SLC15A2: variants seen among roughly 807,000 people sequenced by gnomAD.
SLC15A2 encodes the protein solute carrier family 15 member 2.
SLC15A2 carries 77 observed loss-of-function variants against 95.5 expected under a neutral mutation model. The observed-to-expected ratio is 0.81, with a 90% CI of 0.67 to 0.97. The LOEUF (loss-of-function observed/expected upper bound fraction) is 0.97. Among genes scored for constraint, SLC15A2 ranks in the 50% least tolerant of loss-of-function variants. The pLI is 0.00. For missense variants in SLC15A2, 893 were observed against 874.4 expected (o/e 1.02, Z -0.27); for synonymous variants, 306 against 306.9 (o/e 1.00, Z 0.03).
At chr3:121,897,597 C>T (rs1709443413) in intron 3 of SLC15A2, 68 bp downstream of exon 3, 3 of 1,535,318 alleles carry the variant, frequency 2.0e-6, no homozygotes, top group African/African-American at 1.4e-5. Context: ...CACTTCTAGC[C>T]TCTTGCTTCT....
intron 3 of SLC15A2, among the ~76,000 whole-genome samples, chr3:121,898,606 G>C (rs1709465390): frequency 6.6e-6 from 1 of 152,158 alleles, no homozygotes. Context: ...GGAAAATAAA[G>C]CTCTTGTGGT....
At chr3:121,914,652 T>C (rs900804776) in intron 5 of SLC15A2, among the ~76,000 whole-genome samples, 3 of 152,158 alleles carry the variant, frequency 2.0e-5, no homozygotes, top group Non-Finnish European at 4.4e-5. Flanking sequence ...CCCTAATATA[T>C]GTCGGATGCT....
At chr3:121,932,686 G>A (rs950583285) in intron 19 of SLC15A2, among the ~76,000 whole-genome samples, 3 of 152,146 alleles carry the variant, frequency 2.0e-5, no homozygotes, top group African/African-American at 7.2e-5. Flanking sequence ...GAGGTTTGAT[G>A]AGAACCCAAT....
At position 121,929,100 on chromosome 3, in the gene SLC15A2, A is replaced by AC; in HGVS notation, c.1461dup (p.Ser488GlnfsTer6). ...CATTCTGTGCAGGAGAAGAACTGGT[A>AC]CAGTCTTGTCATTCGTGAAGATGGG... On this transcript the variant is annotated frameshift_variant, in exon 16 of 22. Coordinates refer to ENST00000489711, the MANE Select transcript of SLC15A2 (RefSeq NM_021082.4). LOFTEE classifies it high-confidence loss of function. 1 of 1,614,082 alleles carries AC rather than the reference A, an allele frequency of 6.2e-7. No homozygotes were observed. Among genetic ancestry groups the AC allele is most frequent in the Non-Finnish European group, 8.5e-7 (1 of 1,179,928 alleles).
At chr3:121,896,587 C>A in intron 2 of SLC15A2, 94 bp downstream of exon 2, 1 of 962,324 alleles carries the variant, frequency 1.0e-6, no homozygotes, top group South Asian at 1.3e-5. Context: ...ACTTATTTCC[C>A]GAGTCCACTC....
rs1051101785 is a variant in SLC15A2 at position 121,896,446 on chromosome 3, T to C, written c.146T>C (p.Ile49Thr). Reference sequence around the variant, plus strand: ...AACTATCCACTGAGCATTGCCTTCATTGTGGTGAATGAATTCTGCGAGCGC... The same window carrying C: ...AACTATCCACTGAGCATTGCCTTCACTGTGGTGAATGAATTCTGCGAGCGC... ...GSNYPLSIAF[I>T]VVNEFCERFS... Residue 49 changes from isoleucine to threonine, a missense_variant, in exon 2 of 22, where the codon ATT (isoleucine) becomes ACT (threonine). Transcript: ENST00000489711. The C allele has an allele frequency of 1.9e-6, 3 of 1,614,166 alleles. No individual in the cohort carries two copies. Among genetic ancestry groups the C allele is most frequent in the Non-Finnish European group, 8.5e-7 (1 of 1,179,990 alleles).
Position 121,913,085 on chromosome 3 carries a change from G to T in SLC15A2, c.493G>T (p.Ala165Ser). 3 of 1,613,936 alleles carry T rather than the reference G, an allele frequency of 1.9e-6. No individual in the cohort carries two copies. Among genetic ancestry groups the T allele is most frequent in the Non-Finnish European group, 8.5e-7 (1 of 1,179,858 alleles). The change falls in exon 5 of 22, where the codon GCA becomes TCA. Residue 165 changes from alanine to serine, a missense_variant. By Grantham distance (99) the Ala-to-Ser change is moderately conservative. Transcript: ENST00000489711. ...GACAGGAGGCATCAAACCCTGTGTG[G>T]CAGCTTTTGGTGGAGACCAGTTTGA... is the stretch of plus-strand genomic sequence containing the variant. ...LGTGGIKPCV[A>S]AFGGDQFEEK...
rs148590480 is a variant in SLC15A2 at position 121,942,411 on chromosome 3, C to T, written c.*1404C>T. ...TTTAAAACATTATTCTCATGTAGAACAGTGTTGGGTCTCATACTGTTAATG... is the reference window on the plus strand; with the variant it reads ...TTTAAAACATTATTCTCATGTAGAATAGTGTTGGGTCTCATACTGTTAATG... On this transcript the variant is annotated 3_prime_UTR_variant, in exon 22 of 22. Coordinates refer to ENST00000489711, the MANE Select transcript of SLC15A2 (RefSeq NM_021082.4). 7.4e-4 allele frequency: 113 copies of T among 152,284 alleles called. No individual in the cohort carries two copies. Among genetic ancestry groups the T allele is most frequent in the African/African-American group, 2.5e-3 (105 of 41,562 alleles). The allele number at this position is 152,284 out of a possible 1,614,324, so 9.4% of individuals were successfully genotyped here.
intron 3 of SLC15A2, among the ~76,000 whole-genome samples, chr3:121,900,977 G>C (rs779840289): frequency 6.0e-5 from 9 of 149,080 alleles, no homozygotes; most frequent in Non-Finnish European, 1.2e-4. Context: ...TATATTATAT[G>C]AATGTATATA....
At chr3:121,925,360 A>G (rs1576685320) in intron 13 of SLC15A2, among the ~76,000 whole-genome samples, 1 of 152,242 alleles carries the variant, frequency 6.6e-6, no homozygotes, top group East Asian at 1.9e-4. Flanking sequence ...TTGTCTCTTC[A>G]AAGAAACTCA....
chr3:121,938,929 G>A (rs34837785), intron 19 of SLC15A2, among the ~76,000 whole-genome samples: 32,598 of 152,160 alleles, frequency 0.21, 4,379 homozygotes, highest in Admixed American at 0.37. Context: ...AACCATAGCA[G>A]GCCTGGGCAT....
chr3:121,939,688 T>G (rs1710421396), intron 20 of SLC15A2, among the ~76,000 whole-genome samples, 193 bp downstream of exon 20: 1 of 152,152 alleles, frequency 6.6e-6, no homozygotes. Context: ...TCTATGATTT[T>G]GGGGTTCTAG....
intron 3 of SLC15A2, among the ~76,000 whole-genome samples, chr3:121,897,795 C>T (rs914539424): frequency 1.3e-5 from 2 of 152,192 alleles, no homozygotes; most frequent in African/African-American, 4.8e-5. Context: ...CTAATTTTAA[C>T]CTTCCATTCC....
chr3:121,934,206 A>C (rs1277895356), intron 19 of SLC15A2, among the ~76,000 whole-genome samples: 1 of 152,202 alleles, frequency 6.6e-6, no homozygotes, highest in Non-Finnish European at 1.5e-5. Flanking sequence ...TGATGCCTCC[A>C]GCTTTGTTCT....
intron 11 of SLC15A2, 58 bp downstream of exon 11, chr3:121,923,324 G>A: frequency 6.5e-7 from 1 of 1,536,372 alleles, no homozygotes; most frequent in Non-Finnish European, 8.9e-7. Context: ...CCATATTGGG[G>A]AAAAATTAAT....
intron 2 of SLC15A2, 146 bp downstream of exon 2, chr3:121,896,639 C>G: frequency 4.5e-6 from 3 of 661,076 alleles, no homozygotes; most frequent in Non-Finnish European, 8.1e-6. Flanking sequence ...TTGGCCAAGA[C>G]TTCCAATAAA....
intron 1 of SLC15A2, among the ~76,000 whole-genome samples, chr3:121,895,666 AATAG>A (rs1709402492): frequency 6.6e-6 from 1 of 152,190 alleles, no homozygotes; most frequent in Admixed American, 6.5e-5. Context: ...GGTCTATTGT[AATAG>A]ATAGGGAATT....
rs199522806 is a variant in SLC15A2, at chr3:121,924,980, G to C, written c.1071G>C (p.Pro357=). Residue 357 remains proline, a synonymous_variant, in exon 13 of 22, where the codon CCG becomes CCC. Transcript: ENST00000489711. ...LNPLLVLIFI[P]LFDFVIYRLV... ...CCCTTCTGGTTCTTATCTTCATCCC[G>C]TTGTTTGACTTTGTCATTTATCGTC... 1 of 1,613,006 alleles carries C rather than the reference G, an allele frequency of 6.2e-7. No homozygotes were observed. The highest frequency in any genetic ancestry group is 1.7e-5 in the Admixed American group (1 of 59,978).
intron 3 of SLC15A2, among the ~76,000 whole-genome samples, chr3:121,908,927 C>A (rs1709708069): frequency 1.3e-5 from 2 of 152,074 alleles, no homozygotes; most frequent in African/African-American, 4.8e-5. Flanking sequence ...AATCCCAGCA[C>A]TTTGGGAGGC....
Sources: gnomAD v4.1 joint callset for allele counts (sites outside exome capture counted in the v4.1 genomes callset) on GRCh38, gnomAD v4.1.1 for gene constraint, MANE v1.5 for transcripts, NCBI Gene and HGNC (gene_info 2026-07-23, HGNC 2026-07-21) for gene names.